Variants in PTCHD4 observed in about 807,000 individuals in gnomAD.
PTCHD4 encodes the protein patched domain containing 4.
Under a neutral mutation model 58.1 loss-of-function variants are expected in PTCHD4, and 33 were observed. That is an observed-to-expected ratio of 0.57 (90% CI 0.43 to 0.76). The LOEUF is 0.76. Ranked by LOEUF, PTCHD4 falls within the 30% of genes least tolerant of loss-of-function variation. The pLI, the probability that PTCHD4 is intolerant of heterozygous loss-of-function variation, is 0.00. For synonymous variants in PTCHD4, 478 were observed against 409.6 expected, an observed-to-expected ratio of 1.17 and a Z score of -2.02; for missense variants, 1,058 against 1,027.1, an observed-to-expected ratio of 1.03 and a Z score of -0.41.
chr6:48,016,652 C>T (rs1011627443), intron 3 of PTCHD4, among the ~76,000 whole-genome samples: 4 of 151,960 alleles, frequency 2.6e-5, no homozygotes, highest in African/African-American at 7.3e-5. Flanking sequence ...ATCTTGGGTT[C>T]GAAAGCTCTT....
In PTCHD4 at chr6:47,945,147, A is replaced by G. The variant is rs556811565; in HGVS notation, c.898+63487T>C. On this transcript the variant is annotated intron_variant, in intron 4 of 4. Coordinates refer to ENST00000339488, the MANE Select transcript of PTCHD4 (RefSeq NM_001384253.1). ...GGAAACCGAGAAGGAAAATTTTACT[A>G]TAATCATTAGGTACAATGCTAATTC... 2.7e-4 allele frequency among the ~76,000 whole-genome samples: 41 copies of G among 152,236 alleles called. 1 individual carries two copies. The South Asian group carries it at 8.3e-3, about 31-fold the overall frequency.
At chr6:47,882,679 G>C (rs1461808503) in intron 4 of PTCHD4, among the ~76,000 whole-genome samples, 2 of 136,608 alleles carry the variant, frequency 1.5e-5, no homozygotes, top group East Asian at 2.3e-4. Context: ...TCTATTCATT[G>C]GTCTGTTAAG....
At chr6:47,901,761 G>GTGATGA in intron 4 of PTCHD4, 1 of 1,225,366 alleles carries the variant, frequency 8.2e-7, no homozygotes, top group African/African-American at 1.6e-5. Flanking sequence ...GGTATTGGTG[G>GTGATGA]TGATGATGAT....
chr6:48,018,354 A>G (rs1347539436), intron 3 of PTCHD4, among the ~76,000 whole-genome samples: 1 of 152,232 alleles, frequency 6.6e-6, no homozygotes, highest in Non-Finnish European at 1.5e-5. Context: ...CATTGGTGGT[A>G]AAGTCATTAG....
intron 4 of PTCHD4, among the ~76,000 whole-genome samples, chr6:47,886,721 A>G (rs1400645459): frequency 1.3e-5 from 2 of 152,250 alleles, no homozygotes; most frequent in African/African-American, 4.8e-5. Flanking sequence ...ATAATACATC[A>G]GTATTTTAAG....
At chr6:47,967,513 A>G (rs1767337877) in intron 4 of PTCHD4, among the ~76,000 whole-genome samples, 1 of 152,210 alleles carries the variant, frequency 6.6e-6, no homozygotes, top group Non-Finnish European at 1.5e-5. Flanking sequence ...TTGAAGCTTT[A>G]AAGCCAGTCA....
At chr6:47,896,068 C>A (rs1023413504) in intron 4 of PTCHD4, among the ~76,000 whole-genome samples, 1 of 152,098 alleles carries the variant, frequency 6.6e-6, no homozygotes, top group African/African-American at 2.4e-5. Context: ...AGCTCAAAAG[C>A]AGACTGAGGT....
rs191052823 is a variant in PTCHD4, at chr6:48,048,923, G to A, written c.417+19307C>T. ...TTCAGAGAGTAGAGTCTGGCTTCCTGCCAAGTGGCCTGTGTACTTTTGACA... is the reference window on the plus strand; with the variant it reads ...TTCAGAGAGTAGAGTCTGGCTTCCTACCAAGTGGCCTGTGTACTTTTGACA... On this transcript the variant is annotated intron_variant, in intron 3 of 4. Coordinates refer to ENST00000339488, the MANE Select transcript of PTCHD4 (RefSeq NM_001384253.1). 1.8e-4 allele frequency among the ~76,000 whole-genome samples: 28 copies of A among 152,060 alleles called. 1 individual carries two copies. The highest frequency in any genetic ancestry group is 6.7e-4 in the African/African-American group (28 of 41,520).
intron 3 of PTCHD4, 127 bp from the exon 4 acceptor site, chr6:48,009,241 G>A: frequency 1.0e-6 from 1 of 976,748 alleles, no homozygotes; most frequent in Non-Finnish European, 1.5e-6. Context: ...TGATGTGGGT[G>A]GAGAGGCAAG....
intron 3 of PTCHD4, among the ~76,000 whole-genome samples, chr6:48,027,378 T>A (rs2114124394): frequency 6.6e-6 from 1 of 152,226 alleles, no homozygotes; most frequent in South Asian, 2.1e-4. Flanking sequence ...TCTTTTAAAT[T>A]GTCAGTATTA....
At chr6:48,089,718 C>G (rs1363028648) in intron 1 of PTCHD4, among the ~76,000 whole-genome samples, 1 of 152,164 alleles carries the variant, frequency 6.6e-6, no homozygotes, top group East Asian at 1.9e-4. Flanking sequence ...AAAACCTATT[C>G]ATTGTGAAAG....
intron 4 of PTCHD4, among the ~76,000 whole-genome samples, chr6:47,976,784 T>A (rs1350847827): frequency 6.6e-6 from 1 of 151,648 alleles, no homozygotes; most frequent in East Asian, 1.9e-4. Flanking sequence ...AGAAGAAAAA[T>A]TTATATTATC....
rs144447101 is a variant in PTCHD4, at chr6:47,919,470, T to C, written c.899-39534A>G. Reference sequence around the variant, plus strand: ...ATCAGTTGATTATGGACAGCCTCTCTGAGGAGTTGGCAATTAGGAAATCAG... The same window carrying C: ...ATCAGTTGATTATGGACAGCCTCTCCGAGGAGTTGGCAATTAGGAAATCAG... On this transcript the variant is annotated intron_variant, in intron 4 of 4. Coordinates refer to ENST00000339488, the MANE Select transcript of PTCHD4 (RefSeq NM_001384253.1). 1.5e-4 allele frequency among the ~76,000 whole-genome samples: 23 copies of C among 152,338 alleles called. No homozygotes were observed. In the East Asian group the frequency reaches 3.5e-3, roughly 23 times the overall value.
chr6:47,878,869 C>A lies in PTCHD4; in HGVS notation c.1966G>T (p.Val656Leu). Reference protein sequence around the residue: ...FMDHYSLSVTVPVLIAGFGVL... With the variant: ...FMDHYSLSVTLPVLIAGFGVL... ...CCAAAGCCTGCAATCAGAACAGGCA[C>A]TGTGACAGACAAGCTGTAATGGTCC... is the stretch of plus-strand genomic sequence containing the variant. Residue 656 changes from valine (V) to leucine (L), a missense_variant, in exon 5 of 5, where the codon GTG becomes TTG. By Grantham distance (32) the Val-to-Leu change is conservative (BLOSUM62 1). Coordinates refer to ENST00000339488, the MANE Select transcript of PTCHD4 (RefSeq NM_001384253.1). 6.2e-7 allele frequency: 1 copy of A among 1,613,656 alleles called. No homozygotes were observed. Among genetic ancestry groups the A allele is most frequent in the Non-Finnish European group, 8.5e-7 (1 of 1,179,754 alleles).
At chr6:47,988,079 A>T (rs1256001332) in intron 4 of PTCHD4, among the ~76,000 whole-genome samples, 2 of 152,164 alleles carry the variant, frequency 1.3e-5, no homozygotes, top group African/African-American at 4.8e-5. Context: ...GCCTGACCCC[A>T]GTCACATAAC....
intron 4 of PTCHD4, among the ~76,000 whole-genome samples, chr6:47,940,644 C>G (rs1230106391): frequency 1.3e-5 from 2 of 152,162 alleles, no homozygotes; most frequent in African/African-American, 2.4e-5. Flanking sequence ...ATAGACATTT[C>G]CCTTCACCAC....
At chr6:48,072,937 A>G (rs1765001673) in intron 1 of PTCHD4, among the ~76,000 whole-genome samples, 1 of 152,108 alleles carries the variant, frequency 6.6e-6, no homozygotes, top group Non-Finnish European at 1.5e-5. Flanking sequence ...GAAGAAAAGC[A>G]TGGTTGCTCA....
At chr6:48,067,697 C>T (rs917528254) in intron 3 of PTCHD4, among the ~76,000 whole-genome samples, 2 of 152,092 alleles carry the variant, frequency 1.3e-5, no homozygotes, top group Admixed American at 1.3e-4. Flanking sequence ...TACATTGAGC[C>T]CCATAATGAA....
At chr6:47,935,379 T>C (rs751902043) in intron 4 of PTCHD4, among the ~76,000 whole-genome samples, 4 of 152,072 alleles carry the variant, frequency 2.6e-5, no homozygotes, top group Non-Finnish European at 2.9e-5. Context: ...AATGAGAACA[T>C]GTCATGGGGC....
Sources: gnomAD v4.1 joint callset for allele counts (sites outside exome capture counted in the v4.1 genomes callset) on GRCh38, gnomAD v4.1.1 for gene constraint, MANE v1.5 for transcripts, NCBI Gene and HGNC (gene_info 2026-07-23, HGNC 2026-07-21) for gene names.